The following CCL20 variants were observed in gnomAD, a reference collection of about 807,000 sequenced individuals.
The protein encoded by CCL20 is C-C motif chemokine ligand 20.
Under a neutral mutation model 10.8 loss-of-function variants are expected in CCL20, and 8 were observed. That is an observed-to-expected ratio of 0.74 (90% CI 0.44 to 1.34). CCL20 has a LOEUF of 1.34. Among genes scored for constraint, CCL20 ranks in the 40% most tolerant of loss-of-function variants. The pLI is 0.01. For missense variants in CCL20, 107 were observed against 117.9 expected, an observed-to-expected ratio of 0.91 and a Z score of 0.43; for synonymous variants, 40 against 39.4, an observed-to-expected ratio of 1.02 and a Z score of -0.06.
At position 227,817,183 on chromosome 2, in the gene CCL20, GCTTATCTAATTTGTGC is replaced by G. The variant is rs1462478155; in HGVS notation, c.*103_*118del. On this transcript the variant is annotated 3_prime_UTR_variant, in exon 4 of 4. Transcript: ENST00000358813. ...ACTTGCACATCATGGAGGGTTTAGT[GCTTATCTAATTTGTGC>G]CTCACTGGACTTGTCCAATTAATGA... 1 of 844,650 alleles carries G rather than the reference GCTTATCTAATTTGTGC, an allele frequency of 1.2e-6. No individual in the cohort carries two copies. The highest frequency in any genetic ancestry group is 2.5e-5 in the East Asian group (1 of 40,130). The allele number at this position is 844,650 out of a possible 1,614,324, so 52.3% of individuals were successfully genotyped here.
chr2:227,814,014 A>G (rs746204846), intron 1 of CCL20, 27 bp downstream of exon 1: 3 of 1,592,546 alleles, frequency 1.9e-6, no homozygotes, highest in Non-Finnish European at 2.6e-6. Flanking sequence ...CCGCTAGCAC[A>G]GAAGAAAGAC....
intron 3 of CCL20, among the ~76,000 whole-genome samples, chr2:227,816,753 T>C (rs947327007): frequency 2.0e-5 from 3 of 152,224 alleles, no homozygotes; most frequent in Non-Finnish European, 4.4e-5. Flanking sequence ...ATGGTTCTGA[T>C]TTACGTTGAC....
Position 227,817,163 on chromosome 2 carries a change from C to A in CCL20, c.*80C>A. The A allele has an allele frequency of 1.8e-6, 2 of 1,111,566 alleles. No individual in the cohort carries two copies. Among genetic ancestry groups the A allele is most frequent in the Non-Finnish European group, 2.7e-6 (2 of 729,202 alleles). The allele number at this position is 1,111,566 out of a possible 1,614,324, so 68.9% of individuals were successfully genotyped here. On this transcript the variant is annotated 3_prime_UTR_variant, in exon 4 of 4. Transcript: ENST00000358813. ...TTGCTGGGGTTGGAGGTTTCACTTG[C>A]ACATCATGGAGGGTTTAGTGCTTAT... is the stretch of plus-strand genomic sequence containing the variant.
At position 227,817,435 on chromosome 2, in the gene CCL20, T is replaced by TA. The variant is rs200141595; in HGVS notation, c.*360dup. ...TTCTTGCAAGCAACAAGCTATTTTT[T>TA]AAAAAAAACTATTTAACATTCTTTT... On this transcript the variant is annotated 3_prime_UTR_variant, in exon 4 of 4. Coordinates refer to ENST00000358813, the MANE Select transcript of CCL20 (RefSeq NM_004591.3). 1,038 of 164,382 alleles carry TA rather than the reference T, an allele frequency of 6.3e-3. 13 individuals carry two copies. The highest frequency in any genetic ancestry group is 0.024 in the African/African-American group (1,009 of 42,118). The allele number at this position is 164,382 out of a possible 1,614,324, so 10.2% of individuals were successfully genotyped here.
chr2:227,814,111 G>A (rs1210068201), intron 1 of CCL20, 124 bp downstream of exon 1: 15 of 814,742 alleles, frequency 1.8e-5, no homozygotes, highest in Non-Finnish European at 2.9e-5. Flanking sequence ...AGGTAGTGAT[G>A]GAAGTTGTCT....
chr2:227,813,966 C>T lies in CCL20; in HGVS notation c.55C>T (p.His19Tyr), dbSNP rs1689984984. The T allele has an allele frequency of 6.2e-7, 1 of 1,614,040 alleles. No individual in the cohort carries two copies. Among genetic ancestry groups the T allele is most frequent in the East Asian group, 2.2e-5 (1 of 44,888 alleles). Residue 19 changes from histidine (H) to tyrosine (Y), a missense_variant, in exon 1 of 4, where the codon CAC (histidine) becomes TAC (tyrosine). Transcript: ENST00000358813. The part of the protein sequence containing the change: ...LAALMSVLLL[H>Y]LCGESEAASN... ...TGCTTTGATGTCAGTGCTGCTACTC[C>T]ACCTCTGCGGCGAATCAGAAGGTAA...
chr2:227,816,279 A>G (rs779395043), intron 2 of CCL20, 28 bp from the exon 3 acceptor site: 3 of 1,452,188 alleles, frequency 2.1e-6, no homozygotes, highest in South Asian at 2.3e-5. Context: ...AGCTCATTAA[A>G]CACAAATCAA....
chr2:227,816,970 G>A, intron 3 of CCL20, 92 bp from the exon 4 acceptor site: 1 of 902,526 alleles, frequency 1.1e-6, no homozygotes, highest in South Asian at 1.4e-5. Context: ...TTGAGATTAA[G>A]GGCAGGTGAA....
At position 227,817,058 on chromosome 2, in the gene CCL20, A is replaced by G. The variant is rs1690034479; in HGVS notation, c.270-4A>G. 1 of 1,603,760 alleles carries G rather than the reference A, an allele frequency of 6.2e-7. No homozygotes were observed. Among genetic ancestry groups the G allele is most frequent in the South Asian group, 1.1e-5 (1 of 90,670 alleles). On this transcript the variant is annotated splice_polypyrimidine_tract_variant and splice_region_variant and intron_variant, in intron 3 of 3. Coordinates refer to ENST00000358813, the MANE Select transcript of CCL20 (RefSeq NM_004591.3). ...TTACACTTTTCTTCTTTTTCATTTT[A>G]CAGTAAAAAAGTCAAGAACATGTAA...
At chr2:227,814,382 A>T (rs3176896) in intron 1 of CCL20, among the ~76,000 whole-genome samples, 2 of 152,200 alleles carry the variant, frequency 1.3e-5, no homozygotes, top group African/African-American at 4.8e-5. Context: ...TTCAAAACTC[A>T]TCCTTTAGAA....
chr2:227,817,389 G>T lies in CCL20; in HGVS notation c.*306G>T, dbSNP rs980259762. Reference sequence around the variant, plus strand: ...GCAAAGTATAAAATTATATTTGGGGGGGAATAAGATTATATGGACTTTCTT... The same window carrying T: ...GCAAAGTATAAAATTATATTTGGGGTGGAATAAGATTATATGGACTTTCTT... On this transcript the variant is annotated 3_prime_UTR_variant, in exon 4 of 4. Coordinates refer to ENST00000358813, the MANE Select transcript of CCL20 (RefSeq NM_004591.3). 5.0e-6 allele frequency: 1 copy of T among 201,442 alleles called. No individual in the cohort carries two copies. The highest frequency in any genetic ancestry group is 9.9e-6 in the Non-Finnish European group (1 of 100,754). 12.5% of individuals were successfully genotyped at this position (201,442 alleles called of 1,614,324 possible).
rs1175180183 is a variant in CCL20, at chr2:227,816,315, C to A, written c.200C>A (p.Thr67Lys). 1 of 1,607,570 alleles carries A rather than the reference C, an allele frequency of 6.2e-7. No homozygotes were observed. ...ATTTTCTGATTTTTCAGCTTTCACA[C>A]AAAGAAAAAGTTGTCTGTGTGCGCA... ...GCDINAIIFHTKKKLSVCANP... is the reference protein window; with the variant it reads ...GCDINAIIFHKKKKLSVCANP... The change falls in exon 3 of 4, where the codon ACA (threonine) becomes AAA (lysine). Residue 67 changes from threonine (T) to lysine (K), a missense_variant. By Grantham distance (78) the Thr-to-Lys change is moderately conservative. Transcript: ENST00000358813.
At chr2:227,817,016 A>C (rs1469600689) in intron 3 of CCL20, 46 bp from the exon 4 acceptor site, 4 of 1,489,530 alleles carry the variant, frequency 2.7e-6, no homozygotes, top group Non-Finnish European at 3.7e-6. Context: ...CCCACCATGC[A>C]GTCACCTTGT....
intron 1 of CCL20, among the ~76,000 whole-genome samples, chr2:227,814,757 ATTT>A (rs112995464): frequency 7.2e-6 from 1 of 139,552 alleles, no homozygotes; most frequent in Admixed American, 7.2e-5. Flanking sequence ...ATTTTTTTAC[ATTT>A]TTTTTTTTTT....
chr2:227,815,446 T>C lies in CCL20; in HGVS notation c.77-8T>C. The C allele has an allele frequency of 6.8e-7, 1 of 1,476,038 alleles. No individual in the cohort carries two copies. Among genetic ancestry groups the C allele is most frequent in the East Asian group, 2.3e-5 (1 of 44,126 alleles). 91.4% of individuals were successfully genotyped at this position (1,476,038 alleles called of 1,614,324 possible). A position where few individuals can be genotyped will look rare whatever the true frequency, so the allele number is the denominator to read the frequency against. On this transcript the variant is annotated splice_region_variant and splice_polypyrimidine_tract_variant and intron_variant, in intron 1 of 3. Transcript: ENST00000358813. ...GATCCAATACCTTTCACTTTTTTTT[T>C]TTTTTAGCAGCAAGCAACTTTGACT...
intron 1 of CCL20, among the ~76,000 whole-genome samples, chr2:227,814,207 G>C (rs1187194889): frequency 6.6e-6 from 1 of 152,112 alleles, no homozygotes; most frequent in Non-Finnish European, 1.5e-5. Context: ...TTTGGGGAGT[G>C]GTGGGCTCTT....
chr2:227,815,474 T>A lies in CCL20; in HGVS notation c.97T>A (p.Cys33Ser). ...ESEAASNFDCCLGYTDRILHP... is the reference protein window; with the variant it reads ...ESEAASNFDCSLGYTDRILHP... ...TTTAGCAGCAAGCAACTTTGACTGC[T>A]GTCTTGGATACACAGACCGTATTCT... is the stretch of plus-strand genomic sequence containing the variant. Residue 33 changes from cysteine (C) to serine (S), a missense_variant, in exon 2 of 4, where the codon TGT (cysteine) becomes AGT (serine). Coordinates refer to ENST00000358813, the MANE Select transcript of CCL20 (RefSeq NM_004591.3). 1 of 1,596,100 alleles carries A rather than the reference T, an allele frequency of 6.3e-7. No individual in the cohort carries two copies. Among genetic ancestry groups the A allele is most frequent in the Non-Finnish European group, 8.5e-7 (1 of 1,171,886 alleles).
At chr2:227,815,725 C>A in intron 2 of CCL20, 157 bp downstream of exon 2, 1 of 583,428 alleles carries the variant, frequency 1.7e-6, no homozygotes, top group East Asian at 2.9e-5. Context: ...GCAAAGATAG[C>A]TTTGTCTTAG....
Position 227,816,373 on chromosome 2 carries a change from G to C in CCL20, c.258G>C (p.Val86=), listed in dbSNP as rs1202593453. The change falls in exon 3 of 4, where the codon GTG becomes GTC. Residue 86 remains valine (V), a synonymous_variant. Coordinates refer to ENST00000358813, the MANE Select transcript of CCL20 (RefSeq NM_004591.3). ...AACAGACTTGGGTGAAATATATTGT[G>C]CGTCTCCTCAGGTATGTTACACTGA... ...NPKQTWVKYI[V]RLLSKKVKNM 18 of 1,596,196 alleles carry C rather than the reference G, an allele frequency of 1.1e-5. No homozygotes were observed. The highest frequency in any genetic ancestry group is 1.7e-5 in the Admixed American group (1 of 59,846).
Sources: allele counts gnomAD v4.1 joint callset (sites outside exome capture counted in the v4.1 genomes callset), GRCh38; gene constraint gnomAD v4.1.1; transcripts MANE v1.5; gene names NCBI Gene and HGNC (gene_info 2026-07-23, HGNC 2026-07-21).